SCD5: variants seen among roughly 807,000 people sequenced by gnomAD.
SCD5 encodes the protein stearoyl-CoA desaturase 5.
A neutral mutation model predicts 30.4 loss-of-function variants in SCD5; 20 were observed. That is an observed-to-expected ratio of 0.66 (90% confidence interval 0.46 to 0.96). SCD5 has a LOEUF of 0.96. SCD5 is among the 40% of genes least tolerant of loss of function. SCD5 has a pLI of 0.00. For missense variants in SCD5, 381 were observed against 443.3 expected (o/e 0.86, Z 1.26); for synonymous variants, 173 against 176.4 (o/e 0.98, Z 0.16).
intron 1 of SCD5, among the ~76,000 whole-genome samples, chr4:82,714,165 TA>T (rs1348792465): frequency 2.0e-5 from 3 of 152,196 alleles, no homozygotes; most frequent in African/African-American, 7.2e-5. Flanking sequence ...TCTCTTATGT[TA>T]AAAAGCAAAA....
intron 1 of SCD5, among the ~76,000 whole-genome samples, chr4:82,725,006 A>G (rs115857652): frequency 7.4e-4 from 112 of 152,330 alleles, no homozygotes; most frequent in African/African-American, 2.5e-3. Context: ...TTATATTTCA[A>G]ATTGCACACT....
chr4:82,773,181 T>C (rs1721667190), intron 1 of SCD5, among the ~76,000 whole-genome samples: 1 of 152,204 alleles, frequency 6.6e-6, no homozygotes, highest in Admixed American at 6.5e-5. Flanking sequence ...CATTCTGCAA[T>C]TGCATGTGTC....
chr4:82,658,085 A>C (rs926250585), intron 3 of SCD5, among the ~76,000 whole-genome samples: 1 of 152,096 alleles, frequency 6.6e-6, no homozygotes, highest in African/African-American at 2.4e-5. Context: ...AATACCCTTT[A>C]TTTCTTTCTC....
At chr4:82,720,266 GAAAAATTTTTTT>G (rs1183196049) in intron 1 of SCD5, among the ~76,000 whole-genome samples, 3 of 151,580 alleles carry the variant, frequency 2.0e-5, no homozygotes, top group Non-Finnish European at 1.5e-5. Flanking sequence ...CATCTCTACA[GAAAAATTTTTTT>G]AAAAATTAGT....
At chr4:82,788,381 A>G (rs1406017654) in intron 1 of SCD5, among the ~76,000 whole-genome samples, 3 of 151,898 alleles carry the variant, frequency 2.0e-5, no homozygotes, top group Non-Finnish European at 4.4e-5. Context: ...ACACAATCCT[A>G]CATGTGAGAC....
chr4:82,630,359 A>G lies in SCD5; in HGVS notation c.*968T>C, dbSNP rs1479098238. 1 of 151,828 alleles carries G rather than the reference A, an allele frequency of 6.6e-6. No individual in the cohort carries two copies. The highest frequency in any genetic ancestry group is 1.5e-5 in the Non-Finnish European group (1 of 68,040). The allele number at this position is 151,828 out of a possible 1,614,324, so 9.4% of individuals were successfully genotyped here. ...ATTCTCTTAAGCAAACAATAAAACC[A>G]CACACACACAATAATTAACAAAACA... is the stretch of plus-strand genomic sequence containing the variant. On this transcript the variant is annotated 3_prime_UTR_variant, in exon 5 of 5. Coordinates refer to ENST00000319540, the MANE Select transcript of SCD5 (RefSeq NM_001037582.3).
At chr4:82,639,807 A>G (rs191297238) in intron 3 of SCD5, among the ~76,000 whole-genome samples, 501 of 152,344 alleles carry the variant, frequency 3.3e-3, no homozygotes, top group Admixed American at 7.9e-3. Context: ...CAACTCCAGC[A>G]GCTTCCTCTC....
chr4:82,738,343 AC>A (rs201254567), intron 1 of SCD5, among the ~76,000 whole-genome samples: 4,316 of 152,168 alleles, frequency 0.028, 87 homozygotes, highest in South Asian at 0.063. Context: ...AATCGCTTGA[AC>A]CCAGGAGGCA....
intron 1 of SCD5, among the ~76,000 whole-genome samples, chr4:82,741,614 T>C (rs1720874331): frequency 6.6e-6 from 1 of 152,160 alleles, no homozygotes; most frequent in Non-Finnish European, 1.5e-5. Flanking sequence ...TAGGCAGCAA[T>C]AGAGAACTAA....
At chr4:82,669,662 C>T (rs1254412356) in intron 3 of SCD5, among the ~76,000 whole-genome samples, 1 of 152,092 alleles carries the variant, frequency 6.6e-6, no homozygotes, top group Non-Finnish European at 1.5e-5. Context: ...GTGACTTTTC[C>T]TTCCAGGAGC....
intron 2 of SCD5, among the ~76,000 whole-genome samples, chr4:82,703,243 G>A (rs949790266): frequency 6.6e-6 from 1 of 152,062 alleles, no homozygotes; most frequent in African/African-American, 2.4e-5. Context: ...AAATTTGATG[G>A]TTTCTAAAAC....
At chr4:82,652,845 G>A (rs1727785605) in intron 3 of SCD5, among the ~76,000 whole-genome samples, 1 of 152,148 alleles carries the variant, frequency 6.6e-6, no homozygotes, top group African/African-American at 2.4e-5. Flanking sequence ...ATTAGATGCT[G>A]GTGACAATTA....
intron 1 of SCD5, among the ~76,000 whole-genome samples, chr4:82,737,151 A>G (rs1031881454): frequency 6.6e-6 from 1 of 152,156 alleles, no homozygotes; most frequent in Non-Finnish European, 1.5e-5. Context: ...ATGAGGGTAT[A>G]ACTTTCTCAA....
Position 82,668,405 on chromosome 4 carries a change from A to G in SCD5, c.569+12302T>C, listed in dbSNP as rs187276067. The stretch of plus-strand genomic sequence containing the variant: ...GTGTGCTGGAGTTTCCTCTTCCCAC[A>G]TTCCCAGACCCAAACTGGGGAGCTC... On this transcript the variant is annotated intron_variant, in intron 3 of 4. Transcript: ENST00000319540. 9.3e-4 allele frequency among the ~76,000 whole-genome samples: 142 copies of G among 152,304 alleles called. 1 individual carries two copies. Among genetic ancestry groups the G allele is most frequent in the Admixed American group, 5.8e-3 (88 of 15,292 alleles).
intron 2 of SCD5, among the ~76,000 whole-genome samples, chr4:82,698,769 C>T (rs984423153): frequency 6.6e-6 from 1 of 152,218 alleles, no homozygotes; most frequent in African/African-American, 2.4e-5. Flanking sequence ...AGCACTAATG[C>T]CACCTCCTCA....
At chr4:82,665,074 A>AT (rs372946736) in intron 3 of SCD5, among the ~76,000 whole-genome samples, 2,491 of 79,582 alleles carry the variant, frequency 0.031, 55 homozygotes, top group Middle Eastern at 0.1. Flanking sequence ...ATATATATAT[A>AT]TATTTTTTTT....
At chr4:82,700,288 A>G (rs1446794151) in intron 2 of SCD5, among the ~76,000 whole-genome samples, 3 of 152,138 alleles carry the variant, frequency 2.0e-5, no homozygotes, top group African/African-American at 7.2e-5. Context: ...AATGACAAGC[A>G]CCAAACCATA....
chr4:82,781,024 G>A (rs1337966137), intron 1 of SCD5, among the ~76,000 whole-genome samples: 1 of 152,234 alleles, frequency 6.6e-6, no homozygotes, highest in East Asian at 1.9e-4. Flanking sequence ...AATTGAAAGG[G>A]AGAGAAACGC....
At position 82,798,424 on chromosome 4, in the gene SCD5, C is replaced by A. The variant is rs775568525; in HGVS notation, c.114G>T (p.Ala38=). 1.2e-6 allele frequency: 2 copies of A among 1,613,304 alleles called. No individual in the cohort carries two copies. The highest frequency in any genetic ancestry group is 1.7e-6 in the Non-Finnish European group (2 of 1,179,668). Residue 38 remains alanine (A), a synonymous_variant, in exon 1 of 5, where the codon GCG becomes GCT. Coordinates refer to ENST00000319540, the MANE Select transcript of SCD5 (RefSeq NM_001037582.3). ...EGGGGPERPG[A]RGQRQNIVWR... is the part of the protein sequence containing the mutation. ...AGACGATGTTCTGCCGCTGCCCGCG[C>A]GCGCCTGGCCTCTCCGGGCCGCCGC...
Sources: allele counts gnomAD v4.1 joint callset (sites outside exome capture counted in the v4.1 genomes callset), GRCh38; gene constraint gnomAD v4.1.1; transcripts MANE v1.5; gene names NCBI Gene and HGNC (gene_info 2026-07-23, HGNC 2026-07-21).